RARA: variants seen among roughly 807,000 people sequenced by gnomAD.
RARA encodes the protein PML-DDX5-RARA fusion.
Under a neutral mutation model 42.8 loss-of-function variants are expected in RARA, and 5 were observed. The ratio of observed to expected loss-of-function variants is 0.12; its 90% CI spans 0.06 to 0.25. The LOEUF is 0.25. Among genes scored for constraint, RARA ranks in the 10% least tolerant of loss-of-function variants. The probability of loss-of-function intolerance (pLI) is 1.00; values close to 1 mark genes in which losing one functional copy is unlikely to be tolerated. For synonymous variants in RARA, 256 were observed against 259.5 expected, an observed-to-expected ratio of 0.99 and a Z score of 0.13; for missense variants, 402 against 628.7, an observed-to-expected ratio of 0.64 and a Z score of 3.86.
In RARA at chr17:40,352,304, A is replaced by C. The variant is rs779250438; in HGVS notation, c.631-27A>C. ...CTGAGAAGGGGTGCCATGGAGAAGA[A>C]GGCCCTCACTCTCCCTCCTCCCCCA... On this transcript the variant is annotated intron_variant, in intron 5 of 8. Transcript: ENST00000254066. The surrounding 1 kb of genome is among the most constrained non-coding windows in gnomAD (Gnocchi z 4.9). The C allele has an allele frequency of 3.1e-5, 48 of 1,570,330 alleles. No individual in the cohort carries two copies. The highest frequency in any genetic ancestry group is 3.6e-5 in the Non-Finnish European group (41 of 1,154,448).
At position 40,355,445 on chromosome 17, in the gene RARA, G is replaced by A. The variant is rs2034589057; in HGVS notation, c.1171+24G>A. 6.3e-7 allele frequency: 1 copy of A among 1,596,050 alleles called. No homozygotes were observed. Among genetic ancestry groups the A allele is most frequent in the Non-Finnish European group, 8.6e-7 (1 of 1,167,306 alleles). ...GGGTGAGGCTCACAGACCTGGAGGG[G>A]TACCGGCCCCCGACACCTGGCCCAG... On this transcript the variant is annotated intron_variant, in intron 8 of 8. Transcript: ENST00000254066. This position sits in a 1 kb window ranked among gnomAD's most constrained non-coding sequence, Gnocchi z 4.1.
At position 40,351,217 on chromosome 17, in the gene RARA, A is replaced by C. The variant is rs1191522372; in HGVS notation, c.470-693A>C. ...TCTCCAAATTATGCCAGCTACCCCC[A>C]CCTCGCTACCCCCTCCCTGAGCCCC... On this transcript the variant is annotated intron_variant, in intron 4 of 8. Coordinates refer to ENST00000254066, the MANE Select transcript of RARA (RefSeq NM_000964.4). The surrounding 1 kb of genome is among the most constrained non-coding windows in gnomAD (Gnocchi z 4.1). 2.1e-4 allele frequency among the ~76,000 whole-genome samples: 26 copies of C among 121,068 alleles called. No homozygotes were observed. The highest frequency in any genetic ancestry group is 3.2e-4 in the African/African-American group (10 of 31,260). 79.4% of individuals were successfully genotyped at this position (121,068 alleles called of 152,430 possible). A position where few individuals can be genotyped will look rare whatever the true frequency, so the allele number is the denominator to read the frequency against.
Position 40,351,553 on chromosome 17 carries a change from A to C in RARA, c.470-357A>C. The C allele has an allele frequency of 2.1e-6, 1 of 473,430 alleles. No individual in the cohort carries two copies. 29.3% of individuals were successfully genotyped at this position (473,430 alleles called of 1,614,324 possible). A position where few individuals can be genotyped will look rare whatever the true frequency, so the allele number is the denominator to read the frequency against. ...CTGGGTGAGTGGAGGCGGGAGAAGGACCTTCCTGGGGAAAGAGGAGGCAGA... is the reference window on the plus strand; with the variant it reads ...CTGGGTGAGTGGAGGCGGGAGAAGGCCCTTCCTGGGGAAAGAGGAGGCAGA... On this transcript the variant is annotated intron_variant, in intron 4 of 8. Transcript: ENST00000254066. This position sits in a 1 kb window ranked among gnomAD's most constrained non-coding sequence, Gnocchi z 4.1.
chr17:40,330,382 G>T lies in RARA; in HGVS notation c.-362-475G>T, dbSNP rs150131469. Among the ~76,000 whole-genome samples, 784 of 152,198 alleles carry T rather than the reference G, an allele frequency of 5.2e-3. 10 individuals are homozygous for T. The highest frequency in any genetic ancestry group is 0.018 in the African/African-American group (745 of 41,528). On this transcript the variant is annotated intron_variant, in intron 1 of 8. Transcript: ENST00000254066. ...GTCTGGGGTGCTGGGGCTTGGATCT[G>T]GGGGGGAAGTGGTGTAAGAGGGGCC...
intron 2 of RARA, among the ~76,000 whole-genome samples, chr17:40,340,610 T>G (rs1475949193): frequency 6.6e-6 from 1 of 152,232 alleles, no homozygotes. Flanking sequence ...AACTTTCTCT[T>G]ATGGTAGGTC....
At position 40,355,749 on chromosome 17, in the gene RARA, G is replaced by A. The variant is rs554092394; in HGVS notation, c.1172-260G>A. 6.6e-6 allele frequency among the ~76,000 whole-genome samples: 1 copy of A among 152,368 alleles called. No individual in the cohort carries two copies. Among genetic ancestry groups the A allele is most frequent in the East Asian group, 1.9e-4 (1 of 5,186 alleles). On this transcript the variant is annotated intron_variant, in intron 8 of 8. Coordinates refer to ENST00000254066, the MANE Select transcript of RARA (RefSeq NM_000964.4). The surrounding 1 kb of genome is among the most constrained non-coding windows in gnomAD (Gnocchi z 4.1). ...GGGTCGGGATGATCCCTAGCACACA[G>A]CACAGGGGAAGGAAGGGCTTGGCGT...
chr17:40,354,798 T>A lies in RARA; in HGVS notation c.1012+292T>A, dbSNP rs2034563084. ...TTGCTGAACTTCTCTGGGCCTCCGTTTCTGTACAGTGGGGGCGGTAACGGT... is the reference window on the plus strand; with the variant it reads ...TTGCTGAACTTCTCTGGGCCTCCGTATCTGTACAGTGGGGGCGGTAACGGT... On this transcript the variant is annotated intron_variant, in intron 7 of 8. Coordinates refer to ENST00000254066, the MANE Select transcript of RARA (RefSeq NM_000964.4). This position sits in a 1 kb window ranked among gnomAD's most constrained non-coding sequence, Gnocchi z 4.5. Among the ~76,000 whole-genome samples the A allele has an allele frequency of 6.6e-6, 1 of 152,170 alleles. No individual in the cohort carries two copies. Among genetic ancestry groups the A allele is most frequent in the South Asian group, 2.1e-4 (1 of 4,830 alleles).
intron 2 of RARA, chr17:40,342,551 T>A: frequency 1.5e-6 from 2 of 1,334,680 alleles, no homozygotes; most frequent in Non-Finnish European, 1.9e-6. Context: ...CGCGGGGACT[T>A]CAGGGCAGGG....
intron 1 of RARA, among the ~76,000 whole-genome samples, chr17:40,329,148 T>C (rs2033623695): frequency 6.6e-6 from 1 of 152,138 alleles, no homozygotes; most frequent in African/African-American, 2.4e-5. Flanking sequence ...TTTTTTTTTT[T>C]TTGAGATGGA....
intron 2 of RARA, chr17:40,342,593 G>A: frequency 7.0e-7 from 1 of 1,426,268 alleles, no homozygotes; most frequent in Non-Finnish European, 9.2e-7. Flanking sequence ...CAGTCGGGGC[G>A]AGGGGACGTC....
At chr17:40,309,400 C>T (rs1411977265) in intron 1 of RARA, 114 bp downstream of exon 1, 2 of 152,558 alleles carry the variant, frequency 1.3e-5, no homozygotes, top group Non-Finnish European at 2.9e-5. Context: ...CCTCCTCTCC[C>T]GTCGCTCACT....
intron 2 of RARA, among the ~76,000 whole-genome samples, chr17:40,331,875 C>T (rs759072025): frequency 8.5e-5 from 13 of 152,302 alleles, no homozygotes; most frequent in Middle Eastern, 6.8e-3. Flanking sequence ...TGGAACCCCA[C>T]CTCTCCCCCT....
chr17:40,322,991 G>C (rs1476241704), intron 1 of RARA: 1 of 152,276 alleles, frequency 6.6e-6, no homozygotes, highest in African/African-American at 2.4e-5. Context: ...TGGGATGTTT[G>C]TTGTTGGTTG....
intron 1 of RARA, among the ~76,000 whole-genome samples, chr17:40,316,138 G>A (rs997213249): frequency 6.6e-6 from 1 of 152,200 alleles, no homozygotes; most frequent in African/African-American, 2.4e-5. Flanking sequence ...AGGTGGTACT[G>A]GTTTCCCTGG....
At chr17:40,321,299 C>T (rs1198097588) in intron 1 of RARA, among the ~76,000 whole-genome samples, 5 of 151,962 alleles carry the variant, frequency 3.3e-5, no homozygotes, top group African/African-American at 1.2e-4. Context: ...GTGTCTCTTG[C>T]TTCGTCTGGA....
At chr17:40,340,795 C>T (rs1349631172) in intron 2 of RARA, 5 of 399,360 alleles carry the variant, frequency 1.3e-5, no homozygotes, top group Non-Finnish European at 2.2e-5. Context: ...AGGGTGTCCA[C>T]ATAGAAGGTG....
At chr17:40,343,116 T>C (rs1406444546) in intron 2 of RARA, 3 of 597,128 alleles carry the variant, frequency 5.0e-6, no homozygotes, top group Non-Finnish European at 7.5e-6. Flanking sequence ...GCAACATTCC[T>C]TCATCTCTTG....
chr17:40,344,159 T>C (rs2034172702), intron 2 of RARA, among the ~76,000 whole-genome samples: 1 of 151,588 alleles, frequency 6.6e-6, no homozygotes, highest in African/African-American at 2.4e-5. Flanking sequence ...ACCCCACCCC[T>C]CTTGCTGGGA....
intron 2 of RARA, among the ~76,000 whole-genome samples, chr17:40,347,822 G>A (rs1310101120): frequency 1.3e-5 from 2 of 151,642 alleles, no homozygotes; most frequent in African/African-American, 4.8e-5. Context: ...GCAGAATGGG[G>A]TGGAGGGGGG....
Sources: allele counts gnomAD v4.1 joint callset (sites outside exome capture counted in the v4.1 genomes callset), GRCh38; gene constraint gnomAD v4.1.1; non-coding constraint Gnocchi (gnomAD v3.1); transcripts MANE v1.5; gene names NCBI Gene and HGNC (gene_info 2026-07-23, HGNC 2026-07-21).